CPXM2: variants seen among roughly 807,000 people sequenced by gnomAD.
CPXM2 encodes carboxypeptidase X, M14 family member 2, also known as inactive carboxypeptidase-like protein X2.
Under a neutral mutation model 86.1 loss-of-function variants are expected in CPXM2, and 66 were observed. That is an observed-to-expected ratio of 0.77 (90% confidence interval 0.63 to 0.94). The LOEUF is 0.94. Ranked by LOEUF, CPXM2 falls within the 40% of genes least tolerant of loss-of-function variation. CPXM2 has a pLI of 0.00. For missense variants in CPXM2, 948 were observed against 1,026.3 expected (o/e 0.92, Z 1.04); for synonymous variants, 388 against 400.2 (o/e 0.97, Z 0.36).
intron 2 of CPXM2, among the ~76,000 whole-genome samples, chr10:123,938,987 G>A (rs1220220894): frequency 2.6e-5 from 4 of 151,984 alleles, no homozygotes; most frequent in African/African-American, 9.7e-5. Context: ...AACTAGAGCC[G>A]ATACAAATGA....
At chr10:123,778,005 GCCTTATAGTGTCAATGTCAGGACTTTCT>G (rs1564764373) in intron 7 of CPXM2, among the ~76,000 whole-genome samples, 1 of 152,002 alleles carries the variant, frequency 6.6e-6, no homozygotes, top group African/African-American at 2.4e-5. Context: ...CCCTTTCTCC[GCCTTATAGTGTCAATGTCAGGACTTTCT>G]CCTTCCTCTC....
rs1272409441 is a variant in CPXM2 at position 123,829,403 on chromosome 10, C to T, written c.653+12946G>A. Among the ~76,000 whole-genome samples, 5 of 151,256 alleles carry T rather than the reference C, an allele frequency of 3.3e-5. No individual in the cohort carries two copies. In the South Asian group the frequency reaches 6.3e-4, roughly 19 times the overall value. On this transcript the variant is annotated intron_variant, in intron 4 of 13. Transcript: ENST00000241305. ...TTTTTTTTTTTTGAGACAGAGTCTC[C>T]CTCTATTGCCTCGGCCTCCCAAAGT...
At position 123,891,790 on chromosome 10, in the gene CPXM2, C is replaced by T. The variant is rs1590107378; in HGVS notation, c.-131G>A. ...CGGCGCGCTTGGGCGCGGGAGGCGG[C>T]CGGCTGGCTGCGCGTGTGACCGGCC... On this transcript the variant is annotated 5_prime_UTR_variant, in exon 1 of 14. Transcript: ENST00000241305. This position sits in a 1 kb window ranked among gnomAD's most constrained non-coding sequence, Gnocchi z 5.6. The T allele has an allele frequency of 3.9e-6, 2 of 513,476 alleles. No individual in the cohort carries two copies. The highest frequency in any genetic ancestry group is 5.5e-6 in the Non-Finnish European group (2 of 366,868). 31.8% of individuals were successfully genotyped at this position (513,476 alleles called of 1,614,324 possible). A position where few individuals can be genotyped will look rare whatever the true frequency, so the allele number is the denominator to read the frequency against.
intron 2 of CPXM2, among the ~76,000 whole-genome samples, chr10:123,915,217 C>A (rs924716664): frequency 3.3e-5 from 5 of 152,208 alleles, no homozygotes; most frequent in Non-Finnish European, 7.3e-5. Context: ...CTCTGCACAT[C>A]ATCCCTGCAT....
chr10:123,842,215 C>T, intron 4 of CPXM2, 134 bp downstream of exon 4: 1 of 1,207,204 alleles, frequency 8.3e-7, no homozygotes, highest in Non-Finnish European at 1.2e-6. Flanking sequence ...GCCTCCTGTT[C>T]ATATTCCAAT....
chr10:123,896,021 A>G (rs182065856), upstream of CPXM2, among the ~76,000 whole-genome samples: 59 of 152,320 alleles, frequency 3.9e-4, no homozygotes, highest in East Asian at 9.3e-3. Context: ...AACACCTTAC[A>G]CGGCTAATAA....
At chr10:123,940,995 G>A (rs578073708), upstream of CPXM2, among the ~76,000 whole-genome samples, 1 of 150,860 alleles carries the variant, frequency 6.6e-6, no homozygotes, top group East Asian at 2.0e-4. Context: ...CACAGTGAAA[G>A]CCCGTCTCTA....
At chr10:123,750,768 G>A in intron 13 of CPXM2, 6 of 985,404 alleles carry the variant, frequency 6.1e-6, no homozygotes, top group Non-Finnish European at 7.2e-6. Flanking sequence ...AATGAGGGGT[G>A]TTGGCCATGT....
intron 7 of CPXM2, among the ~76,000 whole-genome samples, chr10:123,773,663 C>T (rs1846711607): frequency 6.6e-6 from 1 of 152,210 alleles, no homozygotes; most frequent in South Asian, 2.1e-4. Flanking sequence ...CAATAAGAGG[C>T]ATGCAATGAC....
intron 4 of CPXM2, among the ~76,000 whole-genome samples, chr10:123,831,944 G>A (rs1313731956): frequency 6.8e-6 from 1 of 147,896 alleles, no homozygotes; most frequent in Non-Finnish European, 1.5e-5. Context: ...TGGAGGCCGG[G>A]GGTGGGGGGC....
chr10:123,863,841 C>T (rs1322533732), intron 2 of CPXM2, among the ~76,000 whole-genome samples: 1 of 152,186 alleles, frequency 6.6e-6, no homozygotes, highest in Non-Finnish European at 1.5e-5. Context: ...TGGGCCCGTG[C>T]CCTTCACTCT....
intron 3 of CPXM2, among the ~76,000 whole-genome samples, chr10:123,854,259 C>T (rs1590068621): frequency 6.7e-6 from 1 of 148,488 alleles, no homozygotes; most frequent in African/African-American, 2.5e-5. Flanking sequence ...CGTGGGAGAG[C>T]CTAGGGGAAA....
chr10:123,923,547 C>G (rs542853738), intron 2 of CPXM2, among the ~76,000 whole-genome samples: 3 of 151,314 alleles, frequency 2.0e-5, no homozygotes, highest in Admixed American at 6.6e-5. Flanking sequence ...CGCCACTGCA[C>G]TCCAGCCTGG....
In CPXM2 at chr10:123,827,186, A is replaced by T. The variant is rs116189509; in HGVS notation, c.653+15163T>A. On this transcript the variant is annotated intron_variant, in intron 4 of 13. Transcript: ENST00000241305. Reference sequence around the variant, plus strand: ...GACAACATTATCTGATGCAATGAGAAATGTATTAATAAAAATTAAAAATCC... The same window carrying T: ...GACAACATTATCTGATGCAATGAGATATGTATTAATAAAAATTAAAAATCC... 2.4e-3 allele frequency among the ~76,000 whole-genome samples: 361 copies of T among 152,328 alleles called. 2 individuals carry two copies. The highest frequency in any genetic ancestry group is 8.4e-3 in the African/African-American group (349 of 41,582).
intron 2 of CPXM2, among the ~76,000 whole-genome samples, chr10:123,897,202 A>C (rs1199611558): frequency 2.0e-5 from 3 of 151,946 alleles, no homozygotes; most frequent in Admixed American, 2.0e-4. Context: ...TCCACTCATT[A>C]GTCTCGGGAG....
In CPXM2 at chr10:123,850,030, G is replaced by A. The variant is rs762067697; in HGVS notation, c.514-7542C>T. Among the ~76,000 whole-genome samples, 51 of 152,140 alleles carry A rather than the reference G, an allele frequency of 3.4e-4. 1 individual carries two copies. Among genetic ancestry groups the A allele is most frequent in the Non-Finnish European group, 2.5e-4 (17 of 68,034 alleles). On this transcript the variant is annotated intron_variant, in intron 3 of 13. Coordinates refer to ENST00000241305, the MANE Select transcript of CPXM2 (RefSeq NM_198148.3). The stretch of plus-strand genomic sequence containing the variant: ...AAACTTTATATAAATGAAACCTACT[G>A]TAACTACTCTTTTTGTCTGGCTTCT...
At chr10:123,886,549 G>A (rs1046945953) in intron 1 of CPXM2, among the ~76,000 whole-genome samples, 4 of 152,228 alleles carry the variant, frequency 2.6e-5, no homozygotes, top group South Asian at 4.2e-4. Flanking sequence ...AACGTGGCTC[G>A]CTGCCCCCTC....
chr10:123,853,906 A>G (rs1490203715), intron 3 of CPXM2, among the ~76,000 whole-genome samples: 3 of 152,170 alleles, frequency 2.0e-5, no homozygotes, highest in Non-Finnish European at 2.9e-5. Flanking sequence ...CTCAGTCTCA[A>G]AAAAAGAAAG....
chr10:123,762,912 T>A (rs907605109), intron 10 of CPXM2, among the ~76,000 whole-genome samples: 1 of 152,190 alleles, frequency 6.6e-6, no homozygotes, highest in Non-Finnish European at 1.5e-5. Flanking sequence ...GAGTAAGGGA[T>A]GAAATGGACT....
Sources: allele counts gnomAD v4.1 joint callset (sites outside exome capture counted in the v4.1 genomes callset), GRCh38; gene constraint gnomAD v4.1.1; non-coding constraint Gnocchi (gnomAD v3.1); transcripts MANE v1.5; gene names NCBI Gene and HGNC (gene_info 2026-07-23, HGNC 2026-07-21).